Variants in MRC1 observed in about 807,000 individuals in gnomAD.
The protein encoded by MRC1 is macrophage mannose receptor 1.
Under a neutral mutation model 102.9 loss-of-function variants are expected in MRC1, and 62 were observed. The observed-to-expected ratio is 0.60, with a 90% CI of 0.49 to 0.74. MRC1 has a LOEUF of 0.74. MRC1 is among the 30% of genes least tolerant of loss of function. The probability of loss-of-function intolerance (pLI) is 0.00; values close to 1 mark genes in which losing one functional copy is unlikely to be tolerated. For missense variants in MRC1, 1,237 were observed against 862.8 expected (o/e 1.43, Z -5.43); for synonymous variants, 457 against 298.4 (o/e 1.53, Z -5.48).
In MRC1 at chr10:17,858,760, ACAGGCATGAGCCATTGTGC is replaced by A. The variant is rs1178588050; in HGVS notation, c.1518+2423_1518+2441del. Among the ~76,000 whole-genome samples, 75 of 152,322 alleles carry A rather than the reference ACAGGCATGAGCCATTGTGC, an allele frequency of 4.9e-4. 1 individual carries two copies. Among genetic ancestry groups the A allele is most frequent in the African/African-American group, 1.8e-3 (75 of 41,584 alleles). Reference sequence around the variant, plus strand: ...CTTGGCCTCCCAAAGTGCTGGGATTACAGGCATGAGCCATTGTGCCAGGCATGAGCCATCACAGGCATGA... The same window carrying A: ...CTTGGCCTCCCAAAGTGCTGGGATTACAGGCATGAGCCATCACAGGCATGA... On this transcript the variant is annotated intron_variant, in intron 9 of 29. Coordinates refer to ENST00000569591, the MANE Select transcript of MRC1 (RefSeq NM_002438.4).
chr10:17,844,109 G>A (rs903683172), intron 5 of MRC1, among the ~76,000 whole-genome samples: 2 of 152,224 alleles, frequency 1.3e-5, no homozygotes, highest in African/African-American at 4.8e-5. Flanking sequence ...AGGCATAGCT[G>A]CTGAAAGTCT....
At chr10:17,853,905 G>T (rs1589179279) in intron 8 of MRC1, among the ~76,000 whole-genome samples, 1 of 152,104 alleles carries the variant, frequency 6.6e-6, no homozygotes, top group South Asian at 2.1e-4. Flanking sequence ...TTGCAAAATG[G>T]GAATAAGAGC....
At chr10:17,868,050 A>G (rs942762183) in intron 12 of MRC1, among the ~76,000 whole-genome samples, 1 of 152,208 alleles carries the variant, frequency 6.6e-6, no homozygotes, top group Non-Finnish European at 1.5e-5. Flanking sequence ...ACTGAAGCAA[A>G]CAAACAGACA....
At chr10:17,835,808 A>T (rs1323012010) in intron 4 of MRC1, among the ~76,000 whole-genome samples, 1 of 152,212 alleles carries the variant, frequency 6.6e-6, no homozygotes, top group Non-Finnish European at 1.5e-5. Context: ...TGTTAAAGTG[A>T]TGATGCCTGG....
At chr10:17,904,988 T>A (rs1195282171) in intron 26 of MRC1, among the ~76,000 whole-genome samples, 1 of 152,216 alleles carries the variant, frequency 6.6e-6, no homozygotes, top group Non-Finnish European at 1.5e-5. Flanking sequence ...CCACTGATAG[T>A]TTTTTACAAA....
intron 6 of MRC1, 106 bp from the exon 7 acceptor site, chr10:17,849,473 T>C (rs887521137): frequency 2.4e-5 from 16 of 661,868 alleles, no homozygotes; most frequent in African/African-American, 2.4e-4. Context: ...TTTATTTGCC[T>C]AGTAACTATA....
chr10:17,855,294 G>A (rs1350386648), intron 8 of MRC1, among the ~76,000 whole-genome samples: 3 of 152,050 alleles, frequency 2.0e-5, no homozygotes, highest in African/African-American at 4.8e-5. Flanking sequence ...GCATGCGGCC[G>A]GGCCCAGTGG....
chr10:17,879,916 G>T, intron 19 of MRC1, 95 bp downstream of exon 19: 1 of 777,588 alleles, frequency 1.3e-6, no homozygotes, highest in East Asian at 2.4e-5. Flanking sequence ...GCTTACATCA[G>T]ACAAGATAAG....
chr10:17,834,657 ACCTGCCTTGG>A (rs1426877789), intron 4 of MRC1, among the ~76,000 whole-genome samples: 1 of 152,102 alleles, frequency 6.6e-6, no homozygotes, highest in Non-Finnish European at 1.5e-5. Context: ...CAGGTGATCC[ACCTGCCTTGG>A]CCTCCCAAAG....
chr10:17,856,489 G>C lies in MRC1; in HGVS notation c.1518+137G>C, dbSNP rs556224014. On this transcript the variant is annotated intron_variant, in intron 9 of 29. Transcript: ENST00000569591. Reference sequence around the variant, plus strand: ...CTGTCTCAGTCTTCAATAGTTTATTGTTAGTGTTGATCTCACTGTTCTCCT... The same window carrying C: ...CTGTCTCAGTCTTCAATAGTTTATTCTTAGTGTTGATCTCACTGTTCTCCT... 4,812 of 670,280 alleles carry C rather than the reference G, an allele frequency of 7.2e-3. 30 individuals carry two copies. Among genetic ancestry groups the C allele is most frequent in the Middle Eastern group, 0.01 (29 of 2,784 alleles). The allele number at this position is 670,280 out of a possible 1,614,324, so 41.5% of individuals were successfully genotyped here. A position where few individuals can be genotyped will look rare whatever the true frequency, so the allele number is the denominator to read the frequency against.
chr10:17,809,613 T>G (rs1211752525), intron 1 of MRC1, 87 bp downstream of exon 1: 1 of 836,614 alleles, frequency 1.2e-6, no homozygotes, highest in African/African-American at 1.7e-5. Context: ...TGGGTTCCTT[T>G]CAACATCTTT....
At chr10:17,814,273 G>T (rs1838271671) in intron 1 of MRC1, among the ~76,000 whole-genome samples, 1 of 152,124 alleles carries the variant, frequency 6.6e-6, no homozygotes, top group African/African-American at 2.4e-5. Flanking sequence ...GGAGTGTGTT[G>T]ATCAGGAAAG....
chr10:17,894,023 T>G (rs1392816935), intron 22 of MRC1, among the ~76,000 whole-genome samples, 187 bp from the exon 23 acceptor site: 1 of 152,160 alleles, frequency 6.6e-6, no homozygotes, highest in African/African-American at 2.4e-5. Flanking sequence ...AGAGTTCAAA[T>G]GTGGAGGATA....
intron 3 of MRC1, 63 bp downstream of exon 3, chr10:17,827,778 C>A: frequency 1.3e-6 from 1 of 774,646 alleles, no homozygotes; most frequent in East Asian, 2.4e-5. Context: ...AGTGAAAGAC[C>A]TTGAATTTAT....
chr10:17,872,333 A>C (rs1347373138), intron 15 of MRC1, among the ~76,000 whole-genome samples: 1 of 152,198 alleles, frequency 6.6e-6, no homozygotes, highest in Non-Finnish European at 1.5e-5. Flanking sequence ...GCCACCTGGG[A>C]GTTCTGGGCA....
chr10:17,879,857 C>T (rs782660271), intron 19 of MRC1, 36 bp downstream of exon 19: 40 of 780,712 alleles, frequency 5.1e-5, no homozygotes, highest in Middle Eastern at 4.5e-4. Context: ...TGCTTTGTGG[C>T]GTGGCGTGTC....
intron 29 of MRC1, among the ~76,000 whole-genome samples, chr10:17,909,558 T>G (rs1833941598): frequency 6.7e-6 from 1 of 149,198 alleles, no homozygotes; most frequent in Non-Finnish European, 1.5e-5. Context: ...AAGCAGTTAT[T>G]GAAGGCATTT....
rs1448487234 is a variant in MRC1 at position 17,828,569 on chromosome 10, A to G, written c.637+854A>G. The stretch of plus-strand genomic sequence containing the variant: ...CAAGCATGTGGTTTGATGGAGAAAG[A>G]CGTGAAGGTCCTGAATTTTGTGTCA... On this transcript the variant is annotated intron_variant, in intron 3 of 29. Transcript: ENST00000569591. 2.6e-5 allele frequency among the ~76,000 whole-genome samples: 4 copies of G among 151,508 alleles called. 1 individual carries two copies. Among genetic ancestry groups the G allele is most frequent in the African/African-American group, 9.8e-5 (4 of 40,786 alleles).
chr10:17,838,296 C>G (rs1838699087), intron 4 of MRC1, among the ~76,000 whole-genome samples: 1 of 152,060 alleles, frequency 6.6e-6, no homozygotes, highest in African/African-American at 2.4e-5. Context: ...TATTATCTGC[C>G]AGGTGAAATG....
Sources: allele counts gnomAD v4.1 joint callset (sites outside exome capture counted in the v4.1 genomes callset), GRCh38; gene constraint gnomAD v4.1.1; transcripts MANE v1.5; gene names NCBI Gene and HGNC (gene_info 2026-07-23, HGNC 2026-07-21).